SDK1: variants seen among roughly 807,000 people sequenced by gnomAD.
SDK1 encodes the protein sidekick cell adhesion molecule 1, also known as protein sidekick-1.
In SDK1, 157 loss-of-function variants were observed where a neutral mutation model predicts 245.5. That is an observed-to-expected ratio of 0.64 (90% CI 0.56 to 0.73). The LOEUF is 0.73. Ranked by LOEUF, SDK1 falls within the 30% of genes least tolerant of loss-of-function variation. The pLI is 0.00. For missense variants in SDK1, 3,583 were observed against 3,002.3 expected, an observed-to-expected ratio of 1.19 and a Z score of -4.52; for synonymous variants, 1,647 against 1,278.5, an observed-to-expected ratio of 1.29 and a Z score of -6.15.
chr7:3,524,611 CCAA>C (rs552980818), intron 1 of SDK1, among the ~76,000 whole-genome samples: 85 of 152,118 alleles, frequency 5.6e-4, no homozygotes, highest in African/African-American at 2.0e-3. Flanking sequence ...AAGGATAACC[CCAA>C]CGTTTTTAGT....
At chr7:3,563,741 A>T (rs1349755148) in intron 1 of SDK1, among the ~76,000 whole-genome samples, 2 of 152,198 alleles carry the variant, frequency 1.3e-5, no homozygotes, top group Non-Finnish European at 2.9e-5. Context: ...TACTTGAGAC[A>T]ATGTGTATTT....
chr7:4,036,130 A>C (rs767822215), intron 17 of SDK1, among the ~76,000 whole-genome samples: 1 of 152,202 alleles, frequency 6.6e-6, no homozygotes, highest in Non-Finnish European at 1.5e-5. Flanking sequence ...GAAAGCCGCA[A>C]TTGACAAGAA....
chr7:4,152,908 G>C (rs1780479718), intron 30 of SDK1, among the ~76,000 whole-genome samples: 2 of 152,220 alleles, frequency 1.3e-5, no homozygotes, highest in Admixed American at 1.3e-4. Context: ...ACGTGTTCAG[G>C]TGTTGCCAGT....
chr7:3,705,078 T>G (rs1457036277), intron 4 of SDK1, among the ~76,000 whole-genome samples: 1 of 152,224 alleles, frequency 6.6e-6, no homozygotes, highest in Non-Finnish European at 1.5e-5. Flanking sequence ...CCATGCTGTT[T>G]TGGTAACTGT....
At chr7:3,984,474 A>G (rs948519967) in intron 13 of SDK1, among the ~76,000 whole-genome samples, 1 of 152,182 alleles carries the variant, frequency 6.6e-6, no homozygotes, top group African/African-American at 2.4e-5. Flanking sequence ...TCGATCAAAC[A>G]TAACCCCCTT....
In SDK1 at chr7:4,130,044, T is replaced by TCGGGAA; in HGVS notation, c.4081_4086dup (p.Asn1361_Gly1362dup). The TCGGGAA allele has an allele frequency of 6.2e-7, 1 of 1,613,026 alleles. No individual in the cohort carries two copies. The highest frequency in any genetic ancestry group is 2.2e-5 in the East Asian group (1 of 44,812). On this transcript the variant is annotated inframe_insertion, in exon 27 of 45. Transcript: ENST00000404826. ...CTCCAGGTGCTGGCGTTCACCCGCATCGGGAACGGGGTCCCCAGCACGCCC... is the reference window on the plus strand; with the variant it reads ...CTCCAGGTGCTGGCGTTCACCCGCATCGGGAACGGGAACGGGGTCCCCAGCACGCCC...
chr7:3,478,826 A>G (rs1486791264), intron 1 of SDK1, among the ~76,000 whole-genome samples: 1 of 152,056 alleles, frequency 6.6e-6, no homozygotes, highest in Non-Finnish European at 1.5e-5. Context: ...TCATTTGAAC[A>G]TTTAAATGTG....
chr7:3,619,142 C>A lies in SDK1; in HGVS notation c.361C>A (p.Arg121Ser). ...ACCACAGATCCACCTGGAAGGGAAC[C>A]GCCTTGTTCTCACCTGCCTTGCCGA... Reference protein sequence around the residue: ...GLPQIHLEGNRLVLTCLAEGS... With the variant: ...GLPQIHLEGNSLVLTCLAEGS... Residue 121 changes from arginine to serine, a missense_variant, in exon 2 of 45, where the codon CGC (arginine) becomes AGC (serine). Coordinates refer to ENST00000404826, the MANE Select transcript of SDK1 (RefSeq NM_152744.4). 6.2e-7 allele frequency: 1 copy of A among 1,613,478 alleles called. No individual in the cohort carries two copies. The highest frequency in any genetic ancestry group is 8.5e-7 in the Non-Finnish European group (1 of 1,179,606).
rs61445469 is a variant in SDK1 at position 3,379,188 on chromosome 7, C to T, written c.298+77304C>T. Among the ~76,000 whole-genome samples the T allele has an allele frequency of 9.1e-3, 1,378 of 152,242 alleles. 28 individuals are homozygous for T. Among genetic ancestry groups the T allele is most frequent in the African/African-American group, 0.031 (1,297 of 41,534 alleles). On this transcript the variant is annotated intron_variant, in intron 1 of 44. Coordinates refer to ENST00000404826, the MANE Select transcript of SDK1 (RefSeq NM_152744.4). ...ATCTGTTCCACAACTCTTTATTGTGCGGGGCAATGTGCTGGGCATTAGAAA... is the reference window on the plus strand; with the variant it reads ...ATCTGTTCCACAACTCTTTATTGTGTGGGGCAATGTGCTGGGCATTAGAAA...
At chr7:3,343,912 A>G (rs886237372) in intron 1 of SDK1, among the ~76,000 whole-genome samples, 2 of 152,132 alleles carry the variant, frequency 1.3e-5, no homozygotes, top group Non-Finnish European at 2.9e-5. Flanking sequence ...TAACAGTTGA[A>G]AGCAGTAAAC....
At chr7:3,440,725 A>T (rs1424514430) in intron 1 of SDK1, among the ~76,000 whole-genome samples, 1 of 152,336 alleles carries the variant, frequency 6.6e-6, no homozygotes, top group East Asian at 1.9e-4. Context: ...TAAGATTAAG[A>T]ACAAATCTAT....
chr7:3,625,875 T>A (rs1051171765), intron 2 of SDK1, among the ~76,000 whole-genome samples: 2 of 151,898 alleles, frequency 1.3e-5, no homozygotes, highest in African/African-American at 4.8e-5. Flanking sequence ...TGCCTGGAAG[T>A]GTTGACCACA....
At chr7:3,470,442 T>G (rs745649584) in intron 1 of SDK1, among the ~76,000 whole-genome samples, 8 of 152,154 alleles carry the variant, frequency 5.3e-5, no homozygotes, top group Non-Finnish European at 1.0e-4. Context: ...ACAATTTAAT[T>G]TTTGATACAC....
At chr7:4,217,480 G>A (rs1437519261) in intron 38 of SDK1, among the ~76,000 whole-genome samples, 6 of 71,882 alleles carry the variant, frequency 8.3e-5, no homozygotes, top group Admixed American at 1.5e-4. Context: ...GGAGCACCAG[G>A]CCACCCGGAG....
chr7:3,757,582 A>T (rs1029333216), intron 4 of SDK1, among the ~76,000 whole-genome samples: 6 of 152,058 alleles, frequency 3.9e-5, no homozygotes, highest in African/African-American at 1.4e-4. Context: ...TAAAGGATAC[A>T]ACTCAGGAAT....
intron 1 of SDK1, among the ~76,000 whole-genome samples, chr7:3,523,038 G>T (rs1782996297): frequency 2.5e-5 from 1 of 40,474 alleles, no homozygotes; most frequent in Non-Finnish European, 4.9e-5. Context: ...TGGTAAACCT[G>T]TAACATTTGT....
chr7:4,120,991 T>C (rs935213180), intron 25 of SDK1, among the ~76,000 whole-genome samples: 2 of 151,958 alleles, frequency 1.3e-5, no homozygotes, highest in African/African-American at 4.8e-5. Context: ...CTTTTTTTTT[T>C]AAACAAACAT....
At chr7:3,420,839 C>T (rs1461531773) in intron 1 of SDK1, among the ~76,000 whole-genome samples, 1 of 152,104 alleles carries the variant, frequency 6.6e-6, no homozygotes, top group Non-Finnish European at 1.5e-5. Flanking sequence ...GTTTGCTGCA[C>T]CGATTAACCC....
intron 35 of SDK1, among the ~76,000 whole-genome samples, chr7:4,190,305 G>A (rs754617339): frequency 9.9e-5 from 15 of 152,152 alleles, no homozygotes; most frequent in Non-Finnish European, 1.5e-4. Flanking sequence ...AACTGATGCC[G>A]GTGGGCTGTG....
Sources: allele counts gnomAD v4.1 joint callset (sites outside exome capture counted in the v4.1 genomes callset), GRCh38; gene constraint gnomAD v4.1.1; transcripts MANE v1.5; gene names NCBI Gene and HGNC (gene_info 2026-07-23, HGNC 2026-07-21).